The following TEAD3 variants were observed in gnomAD, a reference collection of about 807,000 sequenced individuals.
TEAD3 encodes TEA domain transcription factor 3.
In TEAD3, 15 loss-of-function variants were observed where a neutral mutation model predicts 55.6. The ratio of observed to expected loss-of-function variants is 0.27; its 90% CI spans 0.18 to 0.42. The LOEUF (loss-of-function observed/expected upper bound fraction) is 0.42, where lower values mean the gene tolerates loss of function less well. Ranked by LOEUF, TEAD3 falls within the 10% of genes least tolerant of loss-of-function variation. The probability of loss-of-function intolerance (pLI) is 1.00; values close to 1 mark genes in which losing one functional copy is unlikely to be tolerated. For missense variants in TEAD3, 407 were observed against 576.8 expected (o/e 0.71, Z 3.01); for synonymous variants, 210 against 232.2 (o/e 0.90, Z 0.87).
exon 9 of TEAD3, chr6:35,476,415 G>A (rs1581721440): frequency 6.2e-7 from 1 of 1,613,026 alleles, no homozygotes; most frequent in Non-Finnish European, 8.5e-7. Flanking sequence ...GCTGAGGGGA[G>A]CGGGGCCAGG....
In TEAD3 at chr6:35,491,098, A is replaced by G. The variant is rs1768506212; in HGVS notation, c.-49-4387T>C. 1.3e-5 allele frequency among the ~76,000 whole-genome samples: 2 copies of G among 152,102 alleles called. No individual in the cohort carries two copies. Among genetic ancestry groups the G allele is most frequent in the African/African-American group, 4.8e-5 (2 of 41,474 alleles). On this transcript the variant is annotated intron_variant, in intron 1 of 12. Coordinates refer to ENST00000639578, the Ensembl canonical transcript of TEAD3. This position sits in a 1 kb window ranked among gnomAD's most constrained non-coding sequence, Gnocchi z 4.4. ...GCTGAGGTGAACCCAGAGAGAAAAC[A>G]GACCAGAGACAGGAGAGTCCCAGTG... is the stretch of plus-strand genomic sequence containing the variant.
chr6:35,491,927 C>CA lies in TEAD3; in HGVS notation c.-50+4970dup, dbSNP rs1768528894. Among the ~76,000 whole-genome samples, 1 of 152,222 alleles carries CA rather than the reference C, an allele frequency of 6.6e-6. No homozygotes were observed. Among genetic ancestry groups the CA allele is most frequent in the African/African-American group, 2.4e-5 (1 of 41,454 alleles). ...TGCAGAGGCCCTGGTCCCCCACCCC[C>CA]ACAGACCCTGCAGCCTCCAGACCAC... On this transcript the variant is annotated intron_variant, in intron 1 of 12. Transcript: ENST00000639578. This position sits in a 1 kb window ranked among gnomAD's most constrained non-coding sequence, Gnocchi z 4.4.
chr6:35,474,785 C>T (rs137914732), downstream of TEAD3: 206 of 456,922 alleles, frequency 4.5e-4, 2 homozygotes, highest in African/African-American at 2.2e-3. Flanking sequence ...CGAGGCTGGG[C>T]AGAGCAGGGT....
intron 5 of TEAD3, 114 bp downstream of exon 5, chr6:35,479,191 A>G: frequency 7.1e-7 from 1 of 1,415,362 alleles, no homozygotes; most frequent in Non-Finnish European, 9.8e-7. Flanking sequence ...TCGTTTTTTT[A>G]AAATGAGGCT....
At chr6:35,480,651 ATTCTG>A (rs1318709172) in intron 3 of TEAD3, among the ~76,000 whole-genome samples, 1 of 152,142 alleles carries the variant, frequency 6.6e-6, no homozygotes, top group Admixed American at 6.5e-5. Flanking sequence ...GACACTGCCA[ATTCTG>A]TTCTCTTTTT....
In TEAD3 at chr6:35,479,289, G is replaced by A; in HGVS notation, c.342+16C>T. The A allele has an allele frequency of 1.2e-6, 2 of 1,613,870 alleles. No homozygotes were observed. The highest frequency in any genetic ancestry group is 1.1e-5 in the South Asian group (1 of 91,080). ...CCCTTTCCCCCACTCCCACTGGGGA[G>A]GGCTGTGCTACTTACCAGGTTCATG... is the stretch of plus-strand genomic sequence containing the variant. On this transcript the variant is annotated intron_variant, in intron 5 of 12. Transcript: ENST00000639578.
chr6:35,476,571 G>T, intron 8 of TEAD3, 136 bp from the exon 9 acceptor site: 3 of 1,066,398 alleles, frequency 2.8e-6, no homozygotes, highest in Non-Finnish European at 4.1e-6. Context: ...ATGTGTCCTT[G>T]TACAGTGTAC....
At chr6:35,476,275 C>CCTCA in intron 9 of TEAD3, 27 bp downstream of exon 9, 3 of 1,606,816 alleles carry the variant, frequency 1.9e-6, no homozygotes, top group Non-Finnish European at 2.5e-6. Context: ...TTGTGCAAAG[C>CCTCA]CTCACCCTCA....
exon 7 of TEAD3, chr6:35,478,292 C>T (rs1278315484): frequency 2.5e-6 from 4 of 1,613,722 alleles, no homozygotes; most frequent in African/African-American, 1.3e-5. Flanking sequence ...AGGGTCCAGG[C>T]TGCTGTCCCA....
chr6:35,490,760 G>A (rs548123905), intron 1 of TEAD3, among the ~76,000 whole-genome samples: 62 of 152,368 alleles, frequency 4.1e-4, no homozygotes, highest in South Asian at 2.5e-3. Context: ...CCCAGGCCGG[G>A]CTGAGAGAGG....
At chr6:35,476,259 C>T in intron 9 of TEAD3, 43 bp downstream of exon 9, 1 of 1,598,014 alleles carries the variant, frequency 6.3e-7, no homozygotes, top group Non-Finnish European at 8.5e-7. Context: ...GCCGGCCTCT[C>T]CACAATTGTG....
At chr6:35,479,031 C>A (rs1230312376) in intron 5 of TEAD3, among the ~76,000 whole-genome samples, 1 of 152,054 alleles carries the variant, frequency 6.6e-6, no homozygotes, top group Admixed American at 6.5e-5. Context: ...AGGCATTCGT[C>A]ACCATGCCTG....
chr6:35,478,530 G>A (rs1282351908), exon 6 of TEAD3: 1 of 1,605,308 alleles, frequency 6.2e-7, no homozygotes, highest in Non-Finnish European at 8.5e-7. Flanking sequence ...CAGAGGACAT[G>A]GACGCCATGC....
Position 35,475,187 on chromosome 6 carries a change from A to T in TEAD3, c.1195-30T>A. The T allele has an allele frequency of 6.4e-7, 1 of 1,568,678 alleles. No individual in the cohort carries two copies. The highest frequency in any genetic ancestry group is 1.2e-5 in the South Asian group (1 of 86,110). ...GGGGTGAGCAGGTAAGAGATTCAGG[A>T]GGTCAGGGAGAAAAGGGCCACGGGG... On this transcript the variant is annotated intron_variant, in intron 12 of 12. Transcript: ENST00000639578. This position sits in a 1 kb window ranked among gnomAD's most constrained non-coding sequence, Gnocchi z 5.4.
intron 1 of TEAD3, among the ~76,000 whole-genome samples, chr6:35,495,735 G>C (rs1768629636): frequency 1.3e-5 from 2 of 152,186 alleles, no homozygotes; most frequent in Admixed American, 6.5e-5. Context: ...CCCAGCACTG[G>C]GGTGGAACAT....
intron 1 of TEAD3, among the ~76,000 whole-genome samples, chr6:35,492,569 C>T (rs1422151841): frequency 6.6e-6 from 1 of 152,082 alleles, no homozygotes; most frequent in Non-Finnish European, 1.5e-5. Flanking sequence ...TTTGCAGAGC[C>T]CACTAGGAGG....
chr6:35,490,427 G>T (rs150624230), intron 1 of TEAD3, among the ~76,000 whole-genome samples: 1 of 152,218 alleles, frequency 6.6e-6, no homozygotes, highest in Admixed American at 6.5e-5. Flanking sequence ...CTAGACGCAT[G>T]CGAGACTCAC....
downstream of TEAD3, chr6:35,474,773 C>T (rs987377748): frequency 7.2e-5 from 30 of 418,054 alleles, no homozygotes; most frequent in African/African-American, 5.2e-4. Flanking sequence ...TCTGAGGTCA[C>T]GCGAGGCTGG....
chr6:35,481,985 G>C (rs1768275682), intron 3 of TEAD3, among the ~76,000 whole-genome samples: 1 of 152,192 alleles, frequency 6.6e-6, no homozygotes, highest in African/African-American at 2.4e-5. Flanking sequence ...TTTGCCAAAA[G>C]TAATTTTTTC....
Sources: allele counts gnomAD v4.1 joint callset (sites outside exome capture counted in the v4.1 genomes callset), GRCh38; gene constraint gnomAD v4.1.1; non-coding constraint Gnocchi (gnomAD v3.1); transcripts MANE v1.5; gene names NCBI Gene and HGNC (gene_info 2026-07-23, HGNC 2026-07-21).